The following F12 variants were observed in gnomAD, a reference collection of about 807,000 sequenced individuals.
The protein encoded by F12 is coagulation factor XII.
F12 carries 70 observed loss-of-function variants against 74.8 expected under a neutral mutation model. That is an observed-to-expected ratio of 0.94 (90% CI 0.77 to 1.14). The LOEUF is 1.14. Among genes scored for constraint, F12 ranks in the 50% most tolerant of loss-of-function variants. The pLI is 0.00. For missense variants in F12, 811 were observed against 835.7 expected (o/e 0.97, Z 0.36); for synonymous variants, 373 against 356.4 (o/e 1.05, Z -0.52).
chr5:177,407,917 G>T (rs954542775), intron 2 of F12, among the ~76,000 whole-genome samples: 1 of 152,088 alleles, frequency 6.6e-6, no homozygotes, highest in Non-Finnish European at 1.5e-5. Context: ...GTGGGGTGAA[G>T]AGAGGAGGCT....
rs1763225770 is a variant in F12, at chr5:177,404,267, A to G, written c.947T>C (p.Met316Thr). The G allele has an allele frequency of 6.3e-7, 1 of 1,596,698 alleles. No individual in the cohort carries two copies. Among genetic ancestry groups the G allele is most frequent in the Admixed American group, 1.7e-5 (1 of 58,590 alleles). The change falls in exon 9 of 14, where the codon ATG becomes ACG. Residue 316 changes from methionine to threonine, a missense_variant. Transcript: ENST00000253496. ...PVSPRLHVPL[M>T]PAQPAPPKPQ... ...CTTCGGCGGTGCCGGCTGCGCGGGC[A>G]TGAGTGGGACATGAAGCCTAGGGGA...
intron 1 of F12, 53 bp from the exon 2 acceptor site, chr5:177,409,156 C>T (rs371550052): frequency 9.9e-6 from 15 of 1,517,048 alleles, no homozygotes; most frequent in South Asian, 9.6e-5. Context: ...AGCCTGCCAC[C>T]GATCTGTTGC....
Position 177,404,226 on chromosome 5 carries a change from G to T in F12, c.988C>A (p.Arg330=), listed in dbSNP as rs1386553036. The part of the protein sequence containing the change: ...PAPPKPQPTT[R]TPPQSQTPGA... ...GGGGTCTGGGACTGAGGCGGGGTCC[G>T]GGTCGTGGGCTGAGGCTTCGGCGGT... is the stretch of plus-strand genomic sequence containing the variant. Residue 330 remains arginine (R), a synonymous_variant, in exon 9 of 14, where the codon CGG becomes AGG. Coordinates refer to ENST00000253496, the MANE Select transcript of F12 (RefSeq NM_000505.4). 6.2e-7 allele frequency: 1 copy of T among 1,603,540 alleles called. No homozygotes were observed. Among genetic ancestry groups the T allele is most frequent in the South Asian group, 1.1e-5 (1 of 90,178 alleles).
In F12 at chr5:177,402,371, C is replaced by T. The variant is rs763160050; in HGVS notation, c.1769G>A (p.Cys590Tyr). ...GACGCCTGGCTTGTTGCGGTCACCA[C>T]AGCCCGATCCCCAGCTGATGATGCC... ...LQGIISWGSG[C>Y]GDRNKPGVYT... is the part of the protein sequence containing the mutation. The change falls in exon 14 of 14, where the codon TGT becomes TAT. Residue 590 changes from cysteine (C) to tyrosine (Y), a missense_variant. Coordinates refer to ENST00000253496, the MANE Select transcript of F12 (RefSeq NM_000505.4). The T allele has an allele frequency of 2.5e-6, 4 of 1,613,620 alleles. No homozygotes were observed. In the African/African-American group the frequency reaches 5.3e-5, roughly 22 times the overall value.
intron 10 of F12, 82 bp downstream of exon 10, chr5:177,403,777 G>A (rs957466475): frequency 5.5e-6 from 8 of 1,456,736 alleles, no homozygotes; most frequent in Non-Finnish European, 7.3e-6. Flanking sequence ...GTAGGGCACG[G>A]GTTCGGGTGC....
Position 177,402,176 on chromosome 5 carries a change from C to T in F12, c.*116G>A. On this transcript the variant is annotated 3_prime_UTR_variant, in exon 14 of 14. Transcript: ENST00000253496. Reference sequence around the variant, plus strand: ...CAAAGCACTTTATTGAGTTCCTGCGCCATCCTGGCGCGGAGCTGGCCGCAC... The same window carrying T: ...CAAAGCACTTTATTGAGTTCCTGCGTCATCCTGGCGCGGAGCTGGCCGCAC... 1.3e-5 allele frequency: 17 copies of T among 1,351,392 alleles called. No homozygotes were observed. The highest frequency in any genetic ancestry group is 1.5e-5 in the Non-Finnish European group (15 of 970,338). 83.7% of individuals were successfully genotyped at this position (1,351,392 alleles called of 1,614,324 possible). A position where few individuals can be genotyped will look rare whatever the true frequency, so the allele number is the denominator to read the frequency against.
Position 177,402,577 on chromosome 5 carries a change from G to T in F12, c.1653C>A (p.Phe551Leu). The T allele has an allele frequency of 6.2e-7, 1 of 1,612,844 alleles. No homozygotes were observed. The highest frequency in any genetic ancestry group is 1.1e-5 in the South Asian group (1 of 91,002). ...SILPGMLCAG[F>L]LEGGTDACQG... is the part of the protein sequence containing the mutation. Reference sequence around the variant, plus strand: ...GGCACGCATCGGTGCCGCCCTCGAGGAACCCTGCGCAGAGCATGCCGGGGA... The same window carrying T: ...GGCACGCATCGGTGCCGCCCTCGAGTAACCCTGCGCAGAGCATGCCGGGGA... The change falls in exon 13 of 14, where the codon TTC becomes TTA. Residue 551 changes from phenylalanine (F) to leucine (L), a missense_variant. Coordinates refer to ENST00000253496, the MANE Select transcript of F12 (RefSeq NM_000505.4).
rs574519752 is a variant in F12 at position 177,403,198 on chromosome 5, T to C, written c.1531+56A>G. Reference sequence around the variant, plus strand: ...ACCAAAGTCGCGGGCTTCTTCCGCCTAACCCAGTGATCAAAGGTCTCCTCC... The same window carrying C: ...ACCAAAGTCGCGGGCTTCTTCCGCCCAACCCAGTGATCAAAGGTCTCCTCC... On this transcript the variant is annotated intron_variant, in intron 12 of 13. Transcript: ENST00000253496. 142 of 1,595,264 alleles carry C rather than the reference T, an allele frequency of 8.9e-5. No individual in the cohort carries two copies. The African/African-American group carries it at 1.7e-3, about 19-fold the overall frequency.
chr5:177,403,038 T>G (rs1763179092), intron 12 of F12, among the ~76,000 whole-genome samples: 1 of 152,070 alleles, frequency 6.6e-6, no homozygotes, highest in South Asian at 2.1e-4. Flanking sequence ...GCAAGTTCGA[T>G]TCTCCCTGTA....
At position 177,409,058 on chromosome 5, in the gene F12, C is replaced by T. The variant is rs946204940; in HGVS notation, c.103G>A (p.Glu35Lys). 12 of 1,551,440 alleles carry T rather than the reference C, an allele frequency of 7.7e-6. No individual in the cohort carries two copies. In the African/African-American group the frequency reaches 1.5e-4, roughly 19 times the overall value. ...CCAGGCCACTTACCGACTGTGTGCT[C>T]TTCAGCTTTGTACTTATGCTCCTTG... ...APKEHKYKAE[E>K]HTVVLTVTGE... The change falls in exon 2 of 14, where the codon GAG becomes AAG. Residue 35 changes from glutamate (E) to lysine (K), a missense_variant. Physicochemically the swap from Glu to Lys is moderately conservative, Grantham distance 56. Transcript: ENST00000253496.
chr5:177,409,181 C>G, intron 1 of F12, 78 bp from the exon 2 acceptor site: 1 of 1,404,690 alleles, frequency 7.1e-7, no homozygotes, highest in South Asian at 1.2e-5. Context: ...CTGCAGCTTC[C>G]TCTCACAGCC....
Position 177,409,054 on chromosome 5 carries a change from T to C in F12, c.107A>G (p.His36Arg), listed in dbSNP as rs1763348878. The change falls in exon 2 of 14, where the codon CAC becomes CGC. Residue 36 changes from histidine to arginine, a missense_variant. Coordinates refer to ENST00000253496, the MANE Select transcript of F12 (RefSeq NM_000505.4). ...PKEHKYKAEE[H>R]TVVLTVTGEP... The stretch of plus-strand genomic sequence containing the variant: ...GGAGCCAGGCCACTTACCGACTGTG[T>C]GCTCTTCAGCTTTGTACTTATGCTC... The C allele has an allele frequency of 1.3e-6, 2 of 1,551,390 alleles. No homozygotes were observed. Among genetic ancestry groups the C allele is most frequent in the Non-Finnish European group, 8.7e-7 (1 of 1,147,036 alleles).
chr5:177,409,221 C>A, intron 1 of F12, 118 bp from the exon 2 acceptor site: 2 of 1,156,306 alleles, frequency 1.7e-6, no homozygotes, highest in Non-Finnish European at 2.5e-6. Context: ...TCCCAAGACC[C>A]AAACCCTTTC....
Position 177,403,963 on chromosome 5 carries a change from C to G in F12, c.1146G>C (p.Gly382=), listed in dbSNP as rs1267491610. Residue 382 remains glycine (G), a synonymous_variant, in exon 10 of 14, where the codon GGG becomes GGC. Transcript: ENST00000253496. ...RVVGGLVALR[G]AHPYIAALYW... ...ACAGCGCGGCGATGTAGGGGTGCGC[C>G]CCGCGTAGCGCCACCAGCCCGCCAA... 6.2e-7 allele frequency: 1 copy of G among 1,602,134 alleles called. No individual in the cohort carries two copies. The highest frequency in any genetic ancestry group is 8.5e-7 in the Non-Finnish European group (1 of 1,179,038).
In F12 at chr5:177,402,665, G is replaced by A. The variant is rs1268697975; in HGVS notation, c.1565C>T (p.Ala522Val). Reference protein sequence around the residue: ...AEEYASFLQEAQVPFLSLERC... With the variant: ...AEEYASFLQEVQVPFLSLERC... The stretch of plus-strand genomic sequence containing the variant: ...CTCCAGGGAGAGGAACGGTACCTGC[G>A]CCTCCTGCAGGAAGCTGGCATATTC... Residue 522 changes from alanine (A) to valine (V), a missense_variant, in exon 13 of 14, where the codon GCG (alanine) becomes GTG (valine). Ala to Val is a moderately conservative substitution (Grantham distance 64). Transcript: ENST00000253496. 6.2e-7 allele frequency: 1 copy of A among 1,612,478 alleles called. No homozygotes were observed. The highest frequency in any genetic ancestry group is 1.3e-5 in the African/African-American group (1 of 75,028).
At chr5:177,404,993 G>A in intron 6 of F12, 61 bp downstream of exon 6, 1 of 1,596,014 alleles carries the variant, frequency 6.3e-7, no homozygotes, top group Non-Finnish European at 8.5e-7. Flanking sequence ...ACACCACCCG[G>A]CCTCCTGCCA....
chr5:177,406,357 C>T (rs1183072277), intron 2 of F12, among the ~76,000 whole-genome samples: 1 of 152,112 alleles, frequency 6.6e-6, no homozygotes, highest in East Asian at 1.9e-4. Context: ...GGGGTGGTGG[C>T]AGGTGCCTGT....
chr5:177,406,015 G>A lies in F12; in HGVS notation c.162C>T (p.His54=), dbSNP rs775450393. 3 of 1,614,018 alleles carry A rather than the reference G, an allele frequency of 1.9e-6. No homozygotes were observed. In the East Asian group the frequency reaches 6.7e-5, roughly 36 times the overall value. Residue 54 remains histidine (H), a synonymous_variant, in exon 3 of 14, where the codon CAC becomes CAT. Transcript: ENST00000253496. ...GGGTACATTTGTGGTACAGCTGCCG[G>A]TGGTACTGGAAGGGGAAGTGGCAGG... ...GEPCHFPFQY[H]RQLYHKCTHK...
intron 2 of F12, among the ~76,000 whole-genome samples, chr5:177,408,346 G>A (rs942093120): frequency 3.3e-5 from 5 of 152,172 alleles, no homozygotes; most frequent in Admixed American, 6.5e-5. Context: ...GAGCCACCAT[G>A]CCTGGCATGT....
Sources: gnomAD v4.1 joint callset for allele counts (sites outside exome capture counted in the v4.1 genomes callset) on GRCh38, gnomAD v4.1.1 for gene constraint, MANE v1.5 for transcripts, NCBI Gene and HGNC (gene_info 2026-07-23, HGNC 2026-07-21) for gene names.